TMEM135: variants seen among roughly 807,000 people sequenced by gnomAD.
TMEM135 encodes peroxisomal membrane protein 52.
TMEM135 carries 30 observed loss-of-function variants against 60.3 expected under a neutral mutation model. The ratio of observed to expected loss-of-function variants is 0.50; its 90% confidence interval spans 0.37 to 0.68. The LOEUF (loss-of-function observed/expected upper bound fraction) is 0.68, where lower values mean the gene tolerates loss of function less well. Ranked by LOEUF, TMEM135 falls within the 30% of genes least tolerant of loss-of-function variation. The pLI is 0.00. For missense variants in TMEM135, 468 were observed against 548.8 expected, an observed-to-expected ratio of 0.85 and a Z score of 1.47; for synonymous variants, 190 against 186.7, an observed-to-expected ratio of 1.02 and a Z score of -0.14.
At chr11:87,268,109 C>G (rs551149754) in intron 6 of TMEM135, among the ~76,000 whole-genome samples, 15 of 150,632 alleles carry the variant, frequency 1.0e-4, no homozygotes, top group Admixed American at 2.7e-4. Flanking sequence ...CTTTTTTGCC[C>G]GGCCCTCCCC....
intron 1 of TMEM135, among the ~76,000 whole-genome samples, chr11:87,055,745 C>T (rs1949888442): frequency 6.6e-6 from 1 of 152,088 alleles, no homozygotes; most frequent in Non-Finnish European, 1.5e-5. Context: ...TATGCGCCAC[C>T]ATGCTTGGCT....
intron 7 of TMEM135, among the ~76,000 whole-genome samples, chr11:87,300,564 A>G (rs1942426185): frequency 6.6e-6 from 1 of 152,228 alleles, no homozygotes. Flanking sequence ...TGAGGATTAC[A>G]TGAATTAATT....
chr11:87,264,816 T>C (rs1941719736), intron 6 of TMEM135, among the ~76,000 whole-genome samples: 1 of 151,798 alleles, frequency 6.6e-6, no homozygotes, highest in Non-Finnish European at 1.5e-5. Context: ...ATCTTGCTTA[T>C]AGTATTAAAG....
At chr11:87,201,306 A>G (rs1264656497) in intron 5 of TMEM135, among the ~76,000 whole-genome samples, 1 of 152,212 alleles carries the variant, frequency 6.6e-6, no homozygotes, top group Non-Finnish European at 1.5e-5. Context: ...TTCATTAGAA[A>G]TACTGTCTTT....
chr11:87,281,762 A>G (rs1471062515), intron 6 of TMEM135, among the ~76,000 whole-genome samples: 1 of 152,182 alleles, frequency 6.6e-6, no homozygotes, highest in African/African-American at 2.4e-5. Context: ...ATGTATACTT[A>G]TGAGCAAAAT....
At chr11:87,181,922 A>G (rs946635252) in intron 5 of TMEM135, among the ~76,000 whole-genome samples, 3 of 151,370 alleles carry the variant, frequency 2.0e-5, no homozygotes, top group Admixed American at 1.3e-4. Context: ...GTATGATGAT[A>G]AACTATTCAA....
intron 6 of TMEM135, among the ~76,000 whole-genome samples, chr11:87,287,698 A>T (rs895284542): frequency 3.9e-5 from 6 of 152,046 alleles, no homozygotes; most frequent in Non-Finnish European, 5.9e-5. Flanking sequence ...ATAATAAATA[A>T]ATGTATGTAT....
chr11:87,240,697 G>T (rs1340998091), intron 6 of TMEM135, among the ~76,000 whole-genome samples: 1 of 152,012 alleles, frequency 6.6e-6, no homozygotes, highest in Non-Finnish European at 1.5e-5. Flanking sequence ...CCCACCATTA[G>T]GTATCTGTCT....
At position 87,325,387 on chromosome 11, in the gene TMEM135, A is replaced by G; in HGVS notation, c.*4054A>G. On this transcript the variant is annotated 3_prime_UTR_variant, in exon 15 of 15. Transcript: ENST00000305494. Reference sequence around the variant, plus strand: ...AAGCTTACAGCTGTGGTGAATAAGAATGTGTGCTATTTTACACACAGAAGA... The same window carrying G: ...AAGCTTACAGCTGTGGTGAATAAGAGTGTGTGCTATTTTACACACAGAAGA... 2.2e-6 allele frequency: 1 copy of G among 454,082 alleles called. No homozygotes were observed. The highest frequency in any genetic ancestry group is 1.6e-5 in the South Asian group (1 of 64,470). The allele number at this position is 454,082 out of a possible 1,614,324, so 28.1% of individuals were successfully genotyped here.
intron 5 of TMEM135, among the ~76,000 whole-genome samples, chr11:87,168,548 T>C (rs970569802): frequency 1.3e-5 from 2 of 152,188 alleles, no homozygotes; most frequent in Non-Finnish European, 1.5e-5. Flanking sequence ...ATTTCTGCCT[T>C]ACTTTCATTA....
intron 4 of TMEM135, among the ~76,000 whole-genome samples, chr11:87,105,399 G>A (rs1339329500): frequency 2.0e-5 from 3 of 152,142 alleles, no homozygotes; most frequent in Middle Eastern, 3.2e-3. Flanking sequence ...TTCTTATGAT[G>A]ATCTGAGGTG....
intron 3 of TMEM135, among the ~76,000 whole-genome samples, chr11:87,079,442 A>G (rs1217632321): frequency 1.3e-5 from 2 of 152,244 alleles, no homozygotes; most frequent in Non-Finnish European, 2.9e-5. Context: ...TTAATATGAC[A>G]TATAAATATA....
chr11:87,161,272 A>G (rs558458286), intron 5 of TMEM135, among the ~76,000 whole-genome samples: 33 of 152,242 alleles, frequency 2.2e-4, no homozygotes, highest in Non-Finnish European at 4.7e-4. Context: ...TTAATGAATG[A>G]ACTGCAGATT....
intron 5 of TMEM135, 92 bp downstream of exon 5, chr11:87,157,498 C>A (rs991218514): frequency 8.9e-7 from 1 of 1,128,204 alleles, no homozygotes; most frequent in South Asian, 1.3e-5. Flanking sequence ...GATGCTTTGT[C>A]TAAGAAATAG....
At chr11:87,170,049 T>A (rs1001790239) in intron 5 of TMEM135, among the ~76,000 whole-genome samples, 1 of 115,136 alleles carries the variant, frequency 8.7e-6, no homozygotes, top group African/African-American at 3.3e-5. Flanking sequence ...CTTCAGTCTC[T>A]GATATCCTTT....
At chr11:87,054,079 G>A (rs892585106) in intron 1 of TMEM135, among the ~76,000 whole-genome samples, 1 of 152,094 alleles carries the variant, frequency 6.6e-6, no homozygotes, top group South Asian at 2.1e-4. Flanking sequence ...ATACTTGAGG[G>A]GAATCAATAA....
intron 1 of TMEM135, among the ~76,000 whole-genome samples, chr11:87,044,000 T>C (rs1949773541): frequency 6.6e-6 from 1 of 152,118 alleles, no homozygotes; most frequent in Non-Finnish European, 1.5e-5. Context: ...TTTAGCTGAG[T>C]CCAAAGTAGA....
intron 4 of TMEM135, among the ~76,000 whole-genome samples, chr11:87,122,437 A>ATTTTTATTTATTTATTTATTTATT (rs765586434): frequency 0.013 from 1,891 of 144,928 alleles, 27 homozygotes; most frequent in East Asian, 0.039. Context: ...TTTAGTTTTT[A>ATTTTTATTTATTTATTTATTTATT]TATTTATTTA....
intron 4 of TMEM135, among the ~76,000 whole-genome samples, chr11:87,138,352 A>G (rs1429676260): frequency 6.6e-6 from 1 of 152,126 alleles, no homozygotes; most frequent in Non-Finnish European, 1.5e-5. Context: ...TGGCCTCCCA[A>G]AGCGCTGGGA....
Sources: gnomAD v4.1 joint callset for allele counts (sites outside exome capture counted in the v4.1 genomes callset) on GRCh38, gnomAD v4.1.1 for gene constraint, MANE v1.5 for transcripts, NCBI Gene and HGNC (gene_info 2026-07-23, HGNC 2026-07-21) for gene names.